AK5: variants seen among roughly 807,000 people sequenced by gnomAD.
AK5 encodes adenylate kinase isoenzyme 5.
A neutral mutation model predicts 69.5 loss-of-function variants in AK5; 27 were observed. That is an observed-to-expected ratio of 0.39 (90% CI 0.29 to 0.54). The LOEUF (loss-of-function observed/expected upper bound fraction) is 0.54, where lower values mean the gene tolerates loss of function less well. Among genes scored for constraint, AK5 ranks in the 20% least tolerant of loss-of-function variants. The probability of loss-of-function intolerance (pLI) is 0.71; values close to 1 mark genes in which losing one functional copy is unlikely to be tolerated. For synonymous variants in AK5, 260 were observed against 244.4 expected (o/e 1.06, Z -0.60); for missense variants, 531 against 700.4 (o/e 0.76, Z 2.73).
chr1:77,313,320 G>A (rs1660062611), intron 5 of AK5, among the ~76,000 whole-genome samples: 1 of 152,084 alleles, frequency 6.6e-6, no homozygotes, highest in Non-Finnish European at 1.5e-5. Flanking sequence ...ATCTTGGAGG[G>A]CATACAGACT....
At chr1:77,536,671 G>A (rs1451916785) in intron 13 of AK5, among the ~76,000 whole-genome samples, 2 of 152,230 alleles carry the variant, frequency 1.3e-5, no homozygotes, top group Non-Finnish European at 2.9e-5. Context: ...GGGAGGCATA[G>A]ATGAGACGTA....
chr1:77,433,287 A>C (rs200569428), intron 8 of AK5, among the ~76,000 whole-genome samples: 2 of 146,756 alleles, frequency 1.4e-5, no homozygotes. Flanking sequence ...CATTCTCTCT[A>C]TAGTCATCCT....
chr1:77,434,375 T>C (rs1651834313), intron 8 of AK5, among the ~76,000 whole-genome samples: 2 of 152,286 alleles, frequency 1.3e-5, no homozygotes, highest in South Asian at 4.1e-4. Flanking sequence ...GTAAACCTAA[T>C]CATTTAATAT....
At chr1:77,497,741 C>G (rs1656433582) in intron 10 of AK5, among the ~76,000 whole-genome samples, 1 of 152,122 alleles carries the variant, frequency 6.6e-6, no homozygotes, top group South Asian at 2.1e-4. Flanking sequence ...GCACGCACCA[C>G]CACGCCCGGC....
chr1:77,363,475 A>G (rs1300744535), intron 6 of AK5, among the ~76,000 whole-genome samples: 2 of 152,200 alleles, frequency 1.3e-5, no homozygotes, highest in African/African-American at 4.8e-5. Flanking sequence ...TAAAGTTAAT[A>G]AGATGATGTC....
chr1:77,442,798 A>G (rs1252736298), intron 8 of AK5, among the ~76,000 whole-genome samples: 1 of 152,204 alleles, frequency 6.6e-6, no homozygotes, highest in Non-Finnish European at 1.5e-5. Flanking sequence ...CCTTGGCTGC[A>G]AGGATCAATA....
chr1:77,550,309 G>A (rs545384351), intron 13 of AK5, among the ~76,000 whole-genome samples: 1 of 152,264 alleles, frequency 6.6e-6, no homozygotes, highest in Admixed American at 6.5e-5. Flanking sequence ...AATACATTAA[G>A]ACCTCATACA....
At chr1:77,296,891 G>T (rs1659036086) in intron 3 of AK5, among the ~76,000 whole-genome samples, 1 of 152,122 alleles carries the variant, frequency 6.6e-6, no homozygotes, top group Admixed American at 6.5e-5. Flanking sequence ...TTATTGAAGA[G>T]ACTGCTTTTT....
intron 1 of AK5, among the ~76,000 whole-genome samples, chr1:77,283,792 G>T (rs571038903): frequency 5.3e-5 from 8 of 152,122 alleles, no homozygotes; most frequent in Admixed American, 4.6e-4. Flanking sequence ...GAAATTAAGA[G>T]GCGAAGGTTT....
intron 6 of AK5, among the ~76,000 whole-genome samples, chr1:77,405,098 A>G (rs1389506978): frequency 6.6e-6 from 1 of 152,208 alleles, no homozygotes; most frequent in African/African-American, 2.4e-5. Context: ...TACAGAAGCA[A>G]TCAAAAATAT....
intron 6 of AK5, among the ~76,000 whole-genome samples, chr1:77,342,368 G>A (rs1661699747): frequency 6.6e-6 from 1 of 152,214 alleles, no homozygotes; most frequent in Non-Finnish European, 1.5e-5. Context: ...ATCACAAGCA[G>A]AGCAGATTTC....
At chr1:77,417,370 C>T (rs1238118425) in intron 7 of AK5, among the ~76,000 whole-genome samples, 2 of 152,172 alleles carry the variant, frequency 1.3e-5, no homozygotes, top group Non-Finnish European at 2.9e-5. Flanking sequence ...AGCTCACTCT[C>T]TTGGGTTGCT....
intron 3 of AK5, among the ~76,000 whole-genome samples, chr1:77,296,951 T>C (rs532018259): frequency 2.6e-5 from 4 of 152,270 alleles, no homozygotes; most frequent in African/African-American, 7.2e-5. Flanking sequence ...TCACTGTAGG[T>C]GTGTGGATTT....
chr1:77,425,190 A>C (rs900119244), intron 8 of AK5, among the ~76,000 whole-genome samples: 1 of 152,230 alleles, frequency 6.6e-6, no homozygotes, highest in Non-Finnish European at 1.5e-5. Context: ...TTCAAAAATG[A>C]AGGAGAAATA....
intron 10 of AK5, among the ~76,000 whole-genome samples, chr1:77,508,923 A>G (rs1657171764): frequency 6.6e-6 from 1 of 152,040 alleles, no homozygotes; most frequent in African/African-American, 2.4e-5. Context: ...GCATGGGGAG[A>G]AGCACTATGG....
intron 6 of AK5, among the ~76,000 whole-genome samples, chr1:77,350,844 C>G (rs1182377567): frequency 6.6e-6 from 1 of 152,154 alleles, no homozygotes; most frequent in Non-Finnish European, 1.5e-5. Flanking sequence ...CAAGCTAAAG[C>G]ATTATCAAGT....
At chr1:77,428,932 C>T (rs1348507932) in intron 8 of AK5, among the ~76,000 whole-genome samples, 3 of 152,172 alleles carry the variant, frequency 2.0e-5, no homozygotes, top group Non-Finnish European at 4.4e-5. Context: ...AGGACATGAA[C>T]TCATCATTTT....
chr1:77,324,722 C>T (rs960644151), intron 5 of AK5, among the ~76,000 whole-genome samples: 2 of 151,574 alleles, frequency 1.3e-5, no homozygotes, highest in African/African-American at 4.8e-5. Context: ...CCTCTACCCT[C>T]CTCCTGGAAG....
chr1:77,351,789 C>T (rs887950241), intron 6 of AK5, among the ~76,000 whole-genome samples: 3 of 152,128 alleles, frequency 2.0e-5, no homozygotes, highest in Non-Finnish European at 4.4e-5. Flanking sequence ...TTTAGCTTTA[C>T]AACCTCTGAT....
Sources: gnomAD v4.1 joint callset for allele counts (sites outside exome capture counted in the v4.1 genomes callset) on GRCh38, gnomAD v4.1.1 for gene constraint, MANE v1.5 for transcripts, NCBI Gene and HGNC (gene_info 2026-07-23, HGNC 2026-07-21) for gene names.